Variants in GALNT13 observed in about 807,000 individuals in gnomAD.
GALNT13 encodes UDP-GalNAc:polypeptide N-acetylgalactosaminyltransferase 13.
A neutral mutation model predicts 64.2 loss-of-function variants in GALNT13; 28 were observed. The ratio of observed to expected loss-of-function variants is 0.44; its 90% CI spans 0.32 to 0.60. The LOEUF (loss-of-function observed/expected upper bound fraction) is 0.60. GALNT13 is among the 20% of genes least tolerant of loss of function. GALNT13 has a pLI of 0.05. For synonymous variants in GALNT13, 214 were observed against 224.6 expected (o/e 0.95, Z 0.42); for missense variants, 577 against 669.8 (o/e 0.86, Z 1.53).
the GALNT13 span, among the ~76,000 whole-genome samples, chr2:153,128,854 A>G: frequency 1.3e-5 from 2 of 152,112 alleles, no homozygotes; most frequent in African/African-American, 4.8e-5. Flanking sequence ...GAGCTTGTGC[A>G]AGAAAACTTC....
At chr2:153,686,844 G>A in the GALNT13 span, among the ~76,000 whole-genome samples, 71,646 of 151,798 alleles carry the variant, frequency 0.47, 18,467 homozygotes, top group Middle Eastern at 0.62. Flanking sequence ...AGAGTTTTTA[G>A]CATGAATGGA....
At chr2:153,999,679 G>T (rs563566236) in intron 3 of GALNT13, among the ~76,000 whole-genome samples, 22 of 152,088 alleles carry the variant, frequency 1.4e-4, no homozygotes, top group African/African-American at 4.8e-4. Context: ...CTTAATCGTG[G>T]AGTATATTCT....
the GALNT13 span, among the ~76,000 whole-genome samples, chr2:153,108,086 C>T: frequency 6.6e-6 from 1 of 152,086 alleles, no homozygotes; most frequent in Non-Finnish European, 1.5e-5. Flanking sequence ...CCATGTTGCC[C>T]AGGCTGATCT....
At chr2:153,087,369 G>A in the GALNT13 span, among the ~76,000 whole-genome samples, 5 of 151,980 alleles carry the variant, frequency 3.3e-5, no homozygotes, top group Admixed American at 1.3e-4. Flanking sequence ...ATATACTGTT[G>A]GCGTCTGTTG....
At chr2:154,089,762 A>G (rs1461906433) in intron 3 of GALNT13, among the ~76,000 whole-genome samples, 1 of 151,484 alleles carries the variant, frequency 6.6e-6, no homozygotes, top group African/African-American at 2.4e-5. Context: ...TTCTAAAATA[A>G]ATGTTTCTTC....
At chr2:153,339,394 G>T in the GALNT13 span, among the ~76,000 whole-genome samples, 1 of 151,946 alleles carries the variant, frequency 6.6e-6, no homozygotes, top group Non-Finnish European at 1.5e-5. Flanking sequence ...TCTTATAATT[G>T]TTGGCCATTT....
chr2:153,903,010 T>A (rs1688334008), intron 2 of GALNT13, among the ~76,000 whole-genome samples: 1 of 152,080 alleles, frequency 6.6e-6, no homozygotes. Flanking sequence ...ACATATTTTG[T>A]TTACAGAGTT....
chr2:154,237,369 G>A (rs558760905), intron 4 of GALNT13, among the ~76,000 whole-genome samples: 1 of 151,584 alleles, frequency 6.6e-6, no homozygotes, highest in African/African-American at 2.4e-5. Flanking sequence ...CTTGTCTCAA[G>A]TAGAATAGAT....
At chr2:153,896,326 G>A (rs7570540) in intron 1 of GALNT13, among the ~76,000 whole-genome samples, 94,391 of 149,946 alleles carry the variant, frequency 0.63, 30,009 homozygotes, top group East Asian at 0.82. Flanking sequence ...TCTAAAGTTG[G>A]TTTTACATTT....
chr2:153,803,691 CAAA>C, the GALNT13 span, among the ~76,000 whole-genome samples: 1 of 105,118 alleles, frequency 9.5e-6, no homozygotes, highest in African/African-American at 3.7e-5. Flanking sequence ...GACTCTGTCT[CAAA>C]AAAAAAAAAA....
chr2:153,650,207 C>A, the GALNT13 span, among the ~76,000 whole-genome samples: 2 of 152,026 alleles, frequency 1.3e-5, no homozygotes, highest in Middle Eastern at 6.8e-3. Flanking sequence ...TGATCCCTTT[C>A]CCATTATGTA....
chr2:153,201,263 C>T, the GALNT13 span, among the ~76,000 whole-genome samples: 1 of 152,252 alleles, frequency 6.6e-6, no homozygotes, highest in African/African-American at 2.4e-5. Flanking sequence ...CTTGGTGGGT[C>T]TGTTGTCACT....
upstream of GALNT13, among the ~76,000 whole-genome samples, chr2:153,871,370 T>C (rs1685915205): frequency 6.6e-6 from 1 of 151,812 alleles, no homozygotes. Context: ...GTGTAGATAC[T>C]GTAACCAACA....
chr2:153,614,018 A>T, the GALNT13 span, among the ~76,000 whole-genome samples: 2 of 147,556 alleles, frequency 1.4e-5, no homozygotes, highest in African/African-American at 5.0e-5. Flanking sequence ...TAATAATAAT[A>T]AAAAAAAAAG....
chr2:153,440,016 C>T, the GALNT13 span, among the ~76,000 whole-genome samples: 1 of 152,138 alleles, frequency 6.6e-6, no homozygotes. Context: ...AGGTTTGTTA[C>T]ATAGTATACA....
At chr2:153,831,650 G>A in the GALNT13 span, among the ~76,000 whole-genome samples, 1 of 152,068 alleles carries the variant, frequency 6.6e-6, no homozygotes, top group Non-Finnish European at 1.5e-5. Flanking sequence ...AATAAATCCA[G>A]CGTCTTCCCT....
chr2:154,212,524 G>A (rs1188387132), intron 4 of GALNT13, among the ~76,000 whole-genome samples: 2 of 152,058 alleles, frequency 1.3e-5, no homozygotes, highest in African/African-American at 4.8e-5. Context: ...GATTACAAGC[G>A]TGAGCCACTG....
the GALNT13 span, among the ~76,000 whole-genome samples, chr2:153,657,581 G>GCAATGCC: frequency 6.6e-6 from 1 of 152,058 alleles, no homozygotes. Context: ...GAGTCAGGAA[G>GCAATGCC]CAATGCCTGA....
intron 9 of GALNT13, among the ~76,000 whole-genome samples, chr2:154,318,202 G>A (rs1361835828): frequency 6.6e-6 from 1 of 151,902 alleles, no homozygotes; most frequent in Admixed American, 6.6e-5. Flanking sequence ...ATAATAAGAA[G>A]TCAAGTTCTA....
Sources: gnomAD v4.1 joint callset for allele counts (sites outside exome capture counted in the v4.1 genomes callset) on GRCh38, gnomAD v4.1.1 for gene constraint, MANE v1.5 for transcripts, NCBI Gene and HGNC (gene_info 2026-07-23, HGNC 2026-07-21) for gene names.